Variants in CFAP47 observed in about 807,000 individuals in gnomAD.
The protein encoded by CFAP47 is cilia- and flagella-associated protein 47.
In CFAP47, 29 loss-of-function variants were observed where a neutral mutation model predicts 148.1. That is an observed-to-expected ratio of 0.20 (90% CI 0.15 to 0.27). CFAP47 has a LOEUF of 0.27. Among genes scored for constraint, CFAP47 ranks in the 10% least tolerant of loss-of-function variants. CFAP47 has a pLI of 1.00. For missense variants in CFAP47, 1,872 were observed against 1,697.5 expected, an observed-to-expected ratio of 1.10 and a Z score of -1.81; for synonymous variants, 664 against 577.3, an observed-to-expected ratio of 1.15 and a Z score of -2.15.
intron 57 of CFAP47, among the ~76,000 whole-genome samples, chrX:36,329,388 A>G (rs150101132): frequency 6.1e-3 from 681 of 112,115 alleles, no homozygotes; most frequent in African/African-American, 0.021. Flanking sequence ...TGACAAAGTC[A>G]TGAAAAGACA....
At chrX:36,231,097 C>T (rs1449068162) in intron 46 of CFAP47, among the ~76,000 whole-genome samples, 1 of 109,551 alleles carries the variant, frequency 9.1e-6, no homozygotes, top group African/African-American at 3.4e-5. Flanking sequence ...AATGCGGGCT[C>T]TTTTTTGGTT....
At chrX:36,200,679 T>G (rs1356225058) in intron 43 of CFAP47, among the ~76,000 whole-genome samples, 186 bp downstream of exon 43, 4 of 111,974 alleles carry the variant, frequency 3.6e-5, no homozygotes, top group African/African-American at 1.3e-4. Flanking sequence ...TTAAAAAATT[T>G]CAATGGTGAT....
intron 45 of CFAP47, among the ~76,000 whole-genome samples, chrX:36,209,075 A>G (rs1231454547): frequency 2.7e-5 from 3 of 112,550 alleles, no homozygotes; most frequent in Admixed American, 9.4e-5. Context: ...TACATTTCAA[A>G]CAGGATAAAA....
intron 51 of CFAP47, among the ~76,000 whole-genome samples, chrX:36,286,173 ATTACTAAAATG>A (rs1941130553): frequency 9.0e-6 from 1 of 111,409 alleles, no homozygotes; most frequent in Admixed American, 9.6e-5. Context: ...TCTGATGTGA[ATTACTAAAATG>A]TTACTAAATT....
intron 22 of CFAP47, among the ~76,000 whole-genome samples, chrX:36,022,502 T>C (rs947571950): frequency 2.7e-5 from 3 of 111,104 alleles, no homozygotes; most frequent in Admixed American, 9.6e-5. Flanking sequence ...CTTGGATATC[T>C]ATATATCTTT....
rs899578408 is a variant in CFAP47 at position 35,924,102 on chromosome X, T to C, written c.250-1915T>C. 7.9e-5 allele frequency among the ~76,000 whole-genome samples: 8 copies of C among 101,620 alleles called. No individual in the cohort carries two copies. The South Asian group carries it at 1.3e-3, about 16-fold the overall frequency. 88.2% of individuals were successfully genotyped at this position (101,620 alleles called of 115,157 possible). ...ATGTACATGTATGCGTACATATATG[T>C]ATATATGTACATGTATGCGTACATA... is the stretch of plus-strand genomic sequence containing the variant. On this transcript the variant is annotated intron_variant, in intron 1 of 63. Transcript: ENST00000378653.
intron 51 of CFAP47, among the ~76,000 whole-genome samples, chrX:36,298,716 T>C (rs966316756): frequency 9.0e-6 from 1 of 111,343 alleles, no homozygotes; most frequent in East Asian, 2.8e-4. Flanking sequence ...ATTTTACAAA[T>C]AGTTTTCATC....
intron 26 of CFAP47, among the ~76,000 whole-genome samples, chrX:36,060,435 G>A (rs895323753): frequency 6.3e-5 from 7 of 111,490 alleles, no homozygotes; most frequent in Non-Finnish European, 1.3e-4. Context: ...ACCCTAAAGA[G>A]AGATTTTGAA....
chrX:35,960,409 G>GAAAAAT (rs1936313788), intron 8 of CFAP47, among the ~76,000 whole-genome samples: 2 of 69,696 alleles, frequency 2.9e-5, no homozygotes, highest in Admixed American at 1.7e-4. Flanking sequence ...AAAAAAAAAG[G>GAAAAAT]ACAGCTGGAA....
At position 35,924,267 on chromosome X, in the gene CFAP47, ACATGTATGTG is replaced by A. The variant is rs1569201710; in HGVS notation, c.250-1749_250-1740del. 3.3e-4 allele frequency among the ~76,000 whole-genome samples: 34 copies of A among 103,504 alleles called. 1 individual carries two copies. The South Asian group carries it at 3.6e-3, about 11-fold the overall frequency. 89.9% of individuals were successfully genotyped at this position (103,504 alleles called of 115,157 possible). On this transcript the variant is annotated intron_variant, in intron 1 of 63. Transcript: ENST00000378653. ...TGTGTGCATATGGACATGTATGTGTACATGTATGTGTATATGTACATGTATGTGTACACAT... is the reference window on the plus strand; with the variant it reads ...TGTGTGCATATGGACATGTATGTGTATATATGTACATGTATGTGTACACAT...
chrX:36,065,206 G>C (rs1937626487), intron 26 of CFAP47, among the ~76,000 whole-genome samples: 1 of 111,770 alleles, frequency 8.9e-6, no homozygotes, highest in South Asian at 3.7e-4. Context: ...GGCTGGGACA[G>C]ATCTAAAGTT....
chrX:36,208,414 T>C (rs1203624964), intron 45 of CFAP47, among the ~76,000 whole-genome samples: 1 of 110,449 alleles, frequency 9.1e-6, no homozygotes, highest in Non-Finnish European at 1.9e-5. Flanking sequence ...CCACAATGGA[T>C]CTCGGGGAAC....
rs782811622 is a variant in CFAP47 at position 36,370,213 on chromosome X, T to C, written c.9185+3086T>C. ...TTTGCTGCACCCATCAACTCATCAT[T>C]TACATTAGGTATTTCTCCTAACACT... On this transcript the variant is annotated intron_variant, in intron 62 of 63. Transcript: ENST00000378653. 1.8e-3 allele frequency among the ~76,000 whole-genome samples: 200 copies of C among 109,614 alleles called. 1 individual carries two copies. The highest frequency in any genetic ancestry group is 6.3e-3 in the African/African-American group (189 of 30,148).
chrX:35,961,045 G>A (rs1359060031), intron 8 of CFAP47, among the ~76,000 whole-genome samples: 1 of 111,162 alleles, frequency 9.0e-6, no homozygotes, highest in African/African-American at 3.3e-5. Context: ...TTCCTAGTTT[G>A]TTGCATGTTT....
chrX:36,378,427 T>C (rs1556023354), intron 62 of CFAP47, among the ~76,000 whole-genome samples: 1 of 112,616 alleles, frequency 8.9e-6, no homozygotes, highest in Non-Finnish European at 1.9e-5. Flanking sequence ...GGTATTATGA[T>C]AGCTTTGCTG....
intron 30 of CFAP47, among the ~76,000 whole-genome samples, chrX:36,093,649 G>C (rs1463562627): frequency 9.0e-6 from 1 of 110,877 alleles, no homozygotes; most frequent in Non-Finnish European, 1.9e-5. Flanking sequence ...ACAAAAAATG[G>C]TGTGAGTTGA....
intron 57 of CFAP47, among the ~76,000 whole-genome samples, chrX:36,323,054 A>T (rs1941490434): frequency 9.0e-6 from 1 of 111,034 alleles, no homozygotes; most frequent in South Asian, 3.7e-4. Context: ...CATGTAACAG[A>T]AAAAGCATTT....
At chrX:36,156,581 G>A (rs1244790972) in intron 37 of CFAP47, among the ~76,000 whole-genome samples, 1 of 109,639 alleles carries the variant, frequency 9.1e-6, no homozygotes, top group Non-Finnish European at 1.9e-5. Context: ...CTATTCCAAA[G>A]GCTAAATTGA....
At chrX:35,946,741 A>C in intron 3 of CFAP47, among the ~76,000 whole-genome samples, 1 of 111,873 alleles carries the variant, frequency 8.9e-6, no homozygotes, top group East Asian at 2.8e-4. Context: ...TGGTGATTTC[A>C]GAATTTGCCA....
Sources: allele counts gnomAD v4.1 joint callset (sites outside exome capture counted in the v4.1 genomes callset), GRCh38; gene constraint gnomAD v4.1.1; transcripts MANE v1.5; gene names NCBI Gene and HGNC (gene_info 2026-07-23, HGNC 2026-07-21).